Variants in RAI1 observed in about 807,000 individuals in gnomAD.
RAI1 encodes the protein retinoic acid induced 1.
Under a neutral mutation model 123.8 loss-of-function variants are expected in RAI1, and 9 were observed. The ratio of observed to expected loss-of-function variants is 0.07; its 90% CI spans 0.04 to 0.13. The LOEUF is 0.13. RAI1 is among the 10% of genes least tolerant of loss of function. The pLI is 1.00. For missense variants in RAI1, 2,256 were observed against 2,545.8 expected (o/e 0.89, Z 2.45); for synonymous variants, 1,231 against 1,127.3 (o/e 1.09, Z -1.84).
In RAI1 at chr17:17,809,524, C is replaced by A; in HGVS notation, c.5709+85C>A. ...CGCACCTCCTTCACAGTCCCCTGGG[C>A]CCCCTTGGCTGCGCAGCCCCGCAGG... On this transcript the variant is annotated intron_variant, in intron 5 of 5. Coordinates refer to ENST00000353383, the MANE Select transcript of RAI1 (RefSeq NM_030665.4). The surrounding 1 kb of genome is among the most constrained non-coding windows in gnomAD (Gnocchi z 4.9). 2 of 1,423,044 alleles carry A rather than the reference C, an allele frequency of 1.4e-6. No individual in the cohort carries two copies. Among genetic ancestry groups the A allele is most frequent in the Non-Finnish European group, 2.0e-6 (2 of 1,012,036 alleles). The allele number at this position is 1,423,044 out of a possible 1,614,324, so 88.2% of individuals were successfully genotyped here.
At chr17:17,763,773 T>C (rs1239678522) in intron 2 of RAI1, among the ~76,000 whole-genome samples, 1 of 152,236 alleles carries the variant, frequency 6.6e-6, no homozygotes, top group Non-Finnish European at 1.5e-5. Context: ...TGCCTGGTTG[T>C]ACTCCTCAAG....
chr17:17,725,538 G>C (rs889022133), intron 2 of RAI1, among the ~76,000 whole-genome samples: 2 of 152,098 alleles, frequency 1.3e-5, no homozygotes, highest in Admixed American at 1.3e-4. Flanking sequence ...TCAATCCAAG[G>C]GGGGACCACC....
At chr17:17,687,701 C>T (rs1914686606) in intron 1 of RAI1, among the ~76,000 whole-genome samples, 1 of 152,126 alleles carries the variant, frequency 6.6e-6, no homozygotes, top group African/African-American at 2.4e-5. Flanking sequence ...TCAGTTTCCT[C>T]TTCTGTCAAA....
intron 1 of RAI1, among the ~76,000 whole-genome samples, chr17:17,715,216 G>A (rs1179568967): frequency 6.6e-6 from 1 of 152,232 alleles, no homozygotes; most frequent in Non-Finnish European, 1.5e-5. Flanking sequence ...CTGAAGCCAG[G>A]GGCTCTGCCT....
intron 2 of RAI1, among the ~76,000 whole-genome samples, chr17:17,771,180 G>A (rs1187757290): frequency 2.0e-5 from 3 of 152,188 alleles, no homozygotes; most frequent in African/African-American, 4.8e-5. Context: ...GGAGCTACCC[G>A]CCATGTTTTT....
intron 2 of RAI1, among the ~76,000 whole-genome samples, chr17:17,746,187 C>T (rs186804873): frequency 7.9e-4 from 121 of 152,306 alleles, no homozygotes; most frequent in Non-Finnish European, 1.3e-3. Flanking sequence ...TAGCCAAGCC[C>T]GGCAGATGCC....
At chr17:17,792,755 C>G (rs956079911) in intron 2 of RAI1, among the ~76,000 whole-genome samples, 178 bp from the exon 3 acceptor site, 1 of 122,804 alleles carries the variant, frequency 8.1e-6, no homozygotes, top group South Asian at 2.7e-4. Context: ...GAGGCTCAGG[C>G]GAAGGGGGGA....
chr17:17,796,163 C>G lies in RAI1; in HGVS notation c.3215C>G (p.Pro1072Arg). ...AGTGAGCCCCGCACGCCCGGACCCC[C>G]AGGCCTGACCACCACCCCTGCACCC... Reference protein sequence around the residue: ...ALSEPRTPGPPGLTTTPAPPD... With the variant: ...ALSEPRTPGPRGLTTTPAPPD... Residue 1072 changes from proline (P) to arginine (R), a missense_variant, in exon 3 of 6, where the codon CCA becomes CGA. Transcript: ENST00000353383. The surrounding 1 kb of genome is among the most constrained non-coding windows in gnomAD (Gnocchi z 5.8). 1 of 1,558,770 alleles carries G rather than the reference C, an allele frequency of 6.4e-7. No individual in the cohort carries two copies. Among genetic ancestry groups the G allele is most frequent in the Non-Finnish European group, 8.7e-7 (1 of 1,151,200 alleles).
At chr17:17,733,910 C>T (rs748406850) in intron 2 of RAI1, among the ~76,000 whole-genome samples, 108 of 152,148 alleles carry the variant, frequency 7.1e-4, no homozygotes, top group Middle Eastern at 3.2e-3. Context: ...CTGGGAGACC[C>T]GGGGCCCCCT....
Position 17,810,999 on chromosome 17 carries a change from G to A in RAI1, c.*1018G>A, listed in dbSNP as rs1298595019. 9.4e-6 allele frequency: 3 copies of A among 317,784 alleles called. No homozygotes were observed. In the Admixed American group the frequency reaches 1.3e-4, roughly 14 times the overall value. 19.7% of individuals were successfully genotyped at this position (317,784 alleles called of 1,614,324 possible). ...CCGTGCGTCGTGCGCCCGCAACAGA[G>A]CCCCAACCGGGCCTTTGCCGGGTAA... On this transcript the variant is annotated 3_prime_UTR_variant, in exon 6 of 6. Transcript: ENST00000353383. The surrounding 1 kb of genome is among the most constrained non-coding windows in gnomAD (Gnocchi z 4.6).
chr17:17,780,627 A>G (rs1277915363), intron 2 of RAI1, among the ~76,000 whole-genome samples: 1 of 152,186 alleles, frequency 6.6e-6, no homozygotes, highest in South Asian at 2.1e-4. Flanking sequence ...AGGTGATGTC[A>G]CCTCCCAGAA....
chr17:17,688,602 T>C (rs922018185), intron 1 of RAI1, among the ~76,000 whole-genome samples: 2 of 152,164 alleles, frequency 1.3e-5, no homozygotes, highest in African/African-American at 4.8e-5. Context: ...TTGTTTTGTT[T>C]GTTTGTTTTT....
At chr17:17,765,734 T>G (rs1296298436) in intron 2 of RAI1, 3 of 152,130 alleles carry the variant, frequency 2.0e-5, no homozygotes, top group Non-Finnish European at 4.4e-5. Context: ...CGGGCTGGGG[T>G]TCAGCCTGCC....
intron 2 of RAI1, among the ~76,000 whole-genome samples, chr17:17,752,458 G>C (rs1357756003): frequency 6.6e-6 from 1 of 152,180 alleles, no homozygotes; most frequent in Non-Finnish European, 1.5e-5. Context: ...CGCGCGGCTG[G>C]AAAGGGGCGG....
rs962607058 is a variant in RAI1 at position 17,727,870 on chromosome 17, G to A, written c.-17+3711G>A. Among the ~76,000 whole-genome samples the A allele has an allele frequency of 5.9e-4, 89 of 151,742 alleles. 1 individual carries two copies. The highest frequency in any genetic ancestry group is 2.1e-3 in the African/African-American group (87 of 41,114). ...AGACCCCCCGGGGAGAAGGGAAGGAGAGAGAGAGGGAAGAAAGAGTTGAAG... is the reference window on the plus strand; with the variant it reads ...AGACCCCCCGGGGAGAAGGGAAGGAAAGAGAGAGGGAAGAAAGAGTTGAAG... On this transcript the variant is annotated intron_variant, in intron 2 of 5. Transcript: ENST00000353383.
At chr17:17,686,606 T>TGCGCGCGCGC (rs1433996407) in intron 1 of RAI1, among the ~76,000 whole-genome samples, 3 of 137,258 alleles carry the variant, frequency 2.2e-5, no homozygotes, top group Admixed American at 1.5e-4. Context: ...TGTGTGTGTG[T>TGCGCGCGCGC]GTGCACGCGC....
rs1325044333 is a variant in RAI1 at position 17,714,543 on chromosome 17, A to G, written c.-148-9485A>G. On this transcript the variant is annotated intron_variant, in intron 1 of 5. Transcript: ENST00000353383. This position sits in a 1 kb window ranked among gnomAD's most constrained non-coding sequence, Gnocchi z 4.9. ...GCGTGGCCAACTCTGAGTGACGTTTATGCACTCATTTCTATTTATCACCAG... is the reference window on the plus strand; with the variant it reads ...GCGTGGCCAACTCTGAGTGACGTTTGTGCACTCATTTCTATTTATCACCAG... Among the ~76,000 whole-genome samples, 3 of 152,120 alleles carry G rather than the reference A, an allele frequency of 2.0e-5. No individual in the cohort carries two copies. The highest frequency in any genetic ancestry group is 7.2e-5 in the African/African-American group (3 of 41,396).
At chr17:17,789,874 G>A (rs569192111) in intron 2 of RAI1, among the ~76,000 whole-genome samples, 1 of 152,304 alleles carries the variant, frequency 6.6e-6, no homozygotes, top group South Asian at 2.1e-4. Context: ...GCTGGACCAT[G>A]AGGAGTGAGC....
intron 2 of RAI1, among the ~76,000 whole-genome samples, chr17:17,753,002 G>A (rs1404765940): frequency 6.6e-6 from 1 of 152,214 alleles, no homozygotes; most frequent in South Asian, 2.1e-4. Flanking sequence ...GGGTGGTGCC[G>A]GCTGTACTGG....
Sources: gnomAD v4.1 joint callset for allele counts (sites outside exome capture counted in the v4.1 genomes callset) on GRCh38, gnomAD v4.1.1 for gene constraint, Gnocchi (gnomAD v3.1) non-coding constraint, MANE v1.5 for transcripts, NCBI Gene and HGNC (gene_info 2026-07-23, HGNC 2026-07-21) for gene names.